The following CNNM4 variants were observed in gnomAD, a reference collection of about 807,000 sequenced individuals.
CNNM4 encodes the protein cyclin and CBS domain divalent metal cation transport mediator 4.
In CNNM4, 32 loss-of-function variants were observed where a neutral mutation model predicts 53.7. The ratio of observed to expected loss-of-function variants is 0.60; its 90% confidence interval spans 0.45 to 0.80. CNNM4 has a LOEUF of 0.80. Ranked by LOEUF, CNNM4 falls within the 30% of genes least tolerant of loss-of-function variation. CNNM4 has a pLI of 0.00. For missense variants in CNNM4, 784 were observed against 1,022.0 expected, an observed-to-expected ratio of 0.77 and a Z score of 3.17; for synonymous variants, 410 against 440.0, an observed-to-expected ratio of 0.93 and a Z score of 0.85.
At chr2:96,789,649 C>G (rs1558989846) in intron 1 of CNNM4, among the ~76,000 whole-genome samples, 1 of 152,124 alleles carries the variant, frequency 6.6e-6, no homozygotes, top group Non-Finnish European at 1.5e-5. Flanking sequence ...CTCAGGAACC[C>G]TGAAGTCCCA....
chr2:96,779,917 C>T (rs555567596), intron 1 of CNNM4, among the ~76,000 whole-genome samples: 1 of 151,946 alleles, frequency 6.6e-6, no homozygotes. Context: ...ATTCTCCTGC[C>T]TCAGCCTCCT....
At chr2:96,799,684 C>T (rs571435158) in intron 5 of CNNM4, 36 bp downstream of exon 5, 1 of 1,484,072 alleles carries the variant, frequency 6.7e-7, no homozygotes, top group Admixed American at 2.0e-5. Context: ...TGCCCTTTGG[C>T]CCCCCTGCAG....
intron 5 of CNNM4, among the ~76,000 whole-genome samples, chr2:96,802,759 A>G (rs150497970): frequency 6.6e-4 from 100 of 152,354 alleles, no homozygotes; most frequent in African/African-American, 2.4e-3. Flanking sequence ...GTCTTTCAGG[A>G]AAGGCCAGTG....
intron 1 of CNNM4, among the ~76,000 whole-genome samples, chr2:96,781,224 C>T (rs2078973093): frequency 6.6e-6 from 1 of 152,126 alleles, no homozygotes; most frequent in Non-Finnish European, 1.5e-5. Flanking sequence ...CGTGATCCAC[C>T]TGCCTCAGCC....
At chr2:96,787,910 C>G (rs148535356) in intron 1 of CNNM4, among the ~76,000 whole-genome samples, 1 of 152,066 alleles carries the variant, frequency 6.6e-6, no homozygotes, top group African/African-American at 2.4e-5. Context: ...TCTCCAGTAC[C>G]GCACTGTTTT....
rs527495404 is a variant in CNNM4 at position 96,772,356 on chromosome 2, G to A, written c.1402+9955G>A. ...CACTCATACCCCTCACATAGGCACA[G>A]GCAGGTGCTCACACACACGTGCGCA... On this transcript the variant is annotated intron_variant, in intron 1 of 6. Transcript: ENST00000377075. Among the ~76,000 whole-genome samples the A allele has an allele frequency of 3.5e-5, 5 of 143,970 alleles. No individual in the cohort carries two copies. The East Asian group carries it at 1.0e-3, about 30-fold the overall frequency. The allele number at this position is 143,970 out of a possible 152,430, so 94.4% of individuals were successfully genotyped here.
At chr2:96,781,381 G>T (rs1017843468) in intron 1 of CNNM4, among the ~76,000 whole-genome samples, 4 of 150,090 alleles carry the variant, frequency 2.7e-5, no homozygotes, top group Non-Finnish European at 5.9e-5. Flanking sequence ...ACAGAGTCTT[G>T]TTCTGTTGCC....
chr2:96,786,337 C>G (rs2079016005), intron 1 of CNNM4, among the ~76,000 whole-genome samples: 1 of 151,004 alleles, frequency 6.6e-6, no homozygotes, highest in South Asian at 2.1e-4. Flanking sequence ...TTGCTTGAAC[C>G]TGGGAGGCAG....
At position 96,779,929 on chromosome 2, in the gene CNNM4, A is replaced by T. The variant is rs1303556364; in HGVS notation, c.1403-17083A>T. Among the ~76,000 whole-genome samples, 6 of 151,668 alleles carry T rather than the reference A, an allele frequency of 4.0e-5. 1 individual carries two copies. The highest frequency in any genetic ancestry group is 4.0e-4 in the Admixed American group (6 of 15,172). ...GCAATTCTCCTGCCTCAGCCTCCTG[A>T]GTAGCTGGGGCTACAGGCACGTGCC... On this transcript the variant is annotated intron_variant, in intron 1 of 6. Coordinates refer to ENST00000377075, the MANE Select transcript of CNNM4 (RefSeq NM_020184.4).
intron 5 of CNNM4, among the ~76,000 whole-genome samples, chr2:96,805,484 G>T (rs2153351023): frequency 9.5e-6 from 1 of 104,828 alleles, no homozygotes; most frequent in Non-Finnish European, 1.9e-5. Flanking sequence ...ATTCTTGGGT[G>T]TTTCTCACAG....
intron 1 of CNNM4, among the ~76,000 whole-genome samples, chr2:96,776,652 C>T (rs1326856709): frequency 6.6e-6 from 1 of 152,088 alleles, no homozygotes; most frequent in Non-Finnish European, 1.5e-5. Flanking sequence ...CTCGCTCTCT[C>T]GCCCAGCCTG....
At chr2:96,803,321 A>T (rs775603658) in intron 5 of CNNM4, among the ~76,000 whole-genome samples, 3 of 152,186 alleles carry the variant, frequency 2.0e-5, no homozygotes, top group Non-Finnish European at 4.4e-5. Context: ...GGTCTTTATT[A>T]TAAACAATAC....
chr2:96,800,361 TAGAG>T lies in CNNM4; in HGVS notation c.1948+719_1948+722del, dbSNP rs899229385. ...GTCCTGGGGCGAGGTTGCTGCAGGG[TAGAG>T]AGAGAAAGTCCACTTTGGTGCTGGA... On this transcript the variant is annotated intron_variant, in intron 5 of 6. Coordinates refer to ENST00000377075, the MANE Select transcript of CNNM4 (RefSeq NM_020184.4). This position sits in a 1 kb window ranked among gnomAD's most constrained non-coding sequence, Gnocchi z 4.6. Among the ~76,000 whole-genome samples, 1 of 151,986 alleles carries T rather than the reference TAGAG, an allele frequency of 6.6e-6. No individual in the cohort carries two copies. Among genetic ancestry groups the T allele is most frequent in the Non-Finnish European group, 1.5e-5 (1 of 67,984 alleles).
At chr2:96,765,211 C>T (rs2078805607) in intron 1 of CNNM4, among the ~76,000 whole-genome samples, 1 of 150,210 alleles carries the variant, frequency 6.7e-6, no homozygotes, top group South Asian at 2.1e-4. Flanking sequence ...GCTGCAACCT[C>T]TACCTCCCGG....
At chr2:96,780,507 G>T (rs1315304613) in intron 1 of CNNM4, among the ~76,000 whole-genome samples, 1 of 147,160 alleles carries the variant, frequency 6.8e-6, no homozygotes, top group Non-Finnish European at 1.5e-5. Context: ...TGATCCTCCC[G>T]CCTTGGCCTC....
chr2:96,775,267 G>C (rs1165194565), intron 1 of CNNM4, among the ~76,000 whole-genome samples: 1 of 152,060 alleles, frequency 6.6e-6, no homozygotes, highest in Non-Finnish European at 1.5e-5. Flanking sequence ...CTCAGTCATT[G>C]TGGGTCAAAG....
At chr2:96,781,267 C>G (rs1374888027) in intron 1 of CNNM4, among the ~76,000 whole-genome samples, 1 of 152,088 alleles carries the variant, frequency 6.6e-6, no homozygotes, top group African/African-American at 2.4e-5. Flanking sequence ...GCGTGAGCCA[C>G]CGTGCCCGGC....
At position 96,761,330 on chromosome 2, in the gene CNNM4, C is replaced by G; in HGVS notation, c.331C>G (p.Leu111Val). ...CCACAAGTCCACCAGCTGCCTCGAG[C>G]TCACCAAGGACCTGGTCGTCCAGCA... is the stretch of plus-strand genomic sequence containing the variant. The part of the protein sequence containing the change: ...TLHKSTSCLE[L>V]TKDLVVQQLV... Residue 111 changes from leucine to valine, a missense_variant, in exon 1 of 7, where the codon CTC becomes GTC. Transcript: ENST00000377075. The surrounding 1 kb of genome is among the most constrained non-coding windows in gnomAD (Gnocchi z 6.0). The G allele has an allele frequency of 6.2e-7, 1 of 1,614,096 alleles. No individual in the cohort carries two copies. Among genetic ancestry groups the G allele is most frequent in the Non-Finnish European group, 8.5e-7 (1 of 1,180,030 alleles).
rs752807120 is a variant in CNNM4 at position 96,797,519 on chromosome 2, A to G, written c.1553A>G (p.Asn518Ser). Reference protein sequence around the residue: ...ILDESDMYTDNRSRKRVSEKN... With the variant: ...ILDESDMYTDSRSRKRVSEKN... The stretch of plus-strand genomic sequence containing the variant: ...CACGCTCTTCTTCCGGCAGCTGACA[A>G]CCGAAGCCGGAAGCGGGTGTCTGAG... Residue 518 changes from asparagine to serine, a missense_variant, in exon 3 of 7, where the codon AAC (asparagine) becomes AGC (serine). Physicochemically the swap from Asn to Ser is conservative, Grantham distance 46. Around this residue, in one of 3 missense-constraint regions of CNNM4, gnomAD observed 307 missense variants for 376.3 expected, o/e 0.82. Transcript: ENST00000377075. This position sits in a 1 kb window ranked among gnomAD's most constrained non-coding sequence, Gnocchi z 6.0. 6.2e-7 allele frequency: 1 copy of G among 1,613,988 alleles called. No homozygotes were observed. Among genetic ancestry groups the G allele is most frequent in the Admixed American group, 1.7e-5 (1 of 60,008 alleles).
Sources: gnomAD v4.1 joint callset for allele counts (sites outside exome capture counted in the v4.1 genomes callset) on GRCh38, gnomAD v4.1.1 for gene constraint, gnomAD v4.1.1 regional missense constraint, Gnocchi (gnomAD v3.1) non-coding constraint, MANE v1.5 for transcripts, NCBI Gene and HGNC (gene_info 2026-07-23, HGNC 2026-07-21) for gene names.